The following PDE11A variants were observed in gnomAD, a reference collection of about 807,000 sequenced individuals.
PDE11A encodes the protein dual 3',5'-cyclic-AMP and -GMP phosphodiesterase 11A.
A neutral mutation model predicts 100.5 loss-of-function variants in PDE11A; 100 were observed. That is an observed-to-expected ratio of 1.00 (90% CI 0.85 to 1.18). The LOEUF is 1.18. PDE11A is among the 50% of genes most tolerant of loss of function. PDE11A has a pLI of 0.00. For synonymous variants in PDE11A, 381 were observed against 420.8 expected (o/e 0.91, Z 1.16); for missense variants, 1,141 against 1,152.6 (o/e 0.99, Z 0.15).
rs190404074 is a variant in PDE11A, at chr2:177,732,502, C to A, written c.1789-4330G>T. 3.3e-5 allele frequency among the ~76,000 whole-genome samples: 5 copies of A among 152,280 alleles called. No individual in the cohort carries two copies. The East Asian group carries it at 7.7e-4, about 24-fold the overall frequency. The stretch of plus-strand genomic sequence containing the variant: ...TTGTTACAGTTTGTTACCAAAGAAG[C>A]AGAAATGGTGATAGAGGCAGCACTA... On this transcript the variant is annotated intron_variant, in intron 10 of 19. Transcript: ENST00000286063.
intron 19 of PDE11A, among the ~76,000 whole-genome samples, chr2:177,637,696 C>T (rs2080061666): frequency 6.6e-6 from 1 of 150,726 alleles, no homozygotes; most frequent in Non-Finnish European, 1.5e-5. Context: ...CTGTCTTCAG[C>T]TATGTTTTAC....
At chr2:177,836,271 T>C (rs946916819) in intron 6 of PDE11A, among the ~76,000 whole-genome samples, 1 of 151,936 alleles carries the variant, frequency 6.6e-6, no homozygotes, top group Non-Finnish European at 1.5e-5. Flanking sequence ...AGTGGGGACT[T>C]GGAGAACCTT....
chr2:177,829,197 G>T (rs546333237), intron 6 of PDE11A, among the ~76,000 whole-genome samples: 12 of 151,978 alleles, frequency 7.9e-5, no homozygotes, highest in Non-Finnish European at 8.8e-5. Context: ...AGCAGGCTTG[G>T]GGGGCAGGAG....
At chr2:177,924,541 G>C (rs573434468) in intron 2 of PDE11A, among the ~76,000 whole-genome samples, 1 of 152,298 alleles carries the variant, frequency 6.6e-6, no homozygotes, top group South Asian at 2.1e-4. Context: ...AAATCATGAA[G>C]AGAAAGTGAA....
intron 13 of PDE11A, among the ~76,000 whole-genome samples, chr2:177,705,356 G>A (rs1380128810): frequency 3.9e-5 from 6 of 152,154 alleles, no homozygotes; most frequent in Admixed American, 3.9e-4. Flanking sequence ...CTTTAGTTGT[G>A]AAAATATGAT....
intron 13 of PDE11A, among the ~76,000 whole-genome samples, chr2:177,704,347 T>G (rs2081246709): frequency 6.6e-6 from 1 of 151,390 alleles, no homozygotes; most frequent in South Asian, 2.1e-4. Context: ...CTTTGAGGGG[T>G]TTTTTTAAAG....
intron 5 of PDE11A, among the ~76,000 whole-genome samples, chr2:177,868,022 T>C (rs770208681): frequency 6.6e-6 from 1 of 152,158 alleles, no homozygotes; most frequent in Non-Finnish European, 1.5e-5. Flanking sequence ...ATTTGGGCCA[T>C]GGTGGCTGGA....
intron 1 of PDE11A, among the ~76,000 whole-genome samples, chr2:178,106,611 G>C (rs2087620625): frequency 6.6e-6 from 1 of 152,042 alleles, no homozygotes; most frequent in Non-Finnish European, 1.5e-5. Context: ...TCATAAAAAA[G>C]TCATCTAAGC....
At chr2:177,845,782 A>G (rs988371046) in intron 5 of PDE11A, among the ~76,000 whole-genome samples, 7 of 152,278 alleles carry the variant, frequency 4.6e-5, no homozygotes, top group African/African-American at 1.7e-4. Context: ...CAATCCCGGC[A>G]CCTCGGGAGG....
intron 17 of PDE11A, among the ~76,000 whole-genome samples, chr2:177,670,684 A>G (rs1252745545): frequency 6.6e-6 from 1 of 152,226 alleles, no homozygotes; most frequent in African/African-American, 2.4e-5. Flanking sequence ...GCACAGTATC[A>G]AGATAATTTA....
rs1208191512 is a variant in PDE11A at position 177,828,525 on chromosome 2, G to T, written c.1501-8230C>A. Among the ~76,000 whole-genome samples, 4 of 152,160 alleles carry T rather than the reference G, an allele frequency of 2.6e-5. No individual in the cohort carries two copies. The East Asian group carries it at 5.8e-4, about 22-fold the overall frequency. On this transcript the variant is annotated intron_variant, in intron 6 of 19. Coordinates refer to ENST00000286063, the MANE Select transcript of PDE11A (RefSeq NM_016953.4). ...ATTATATGTTAGAAGATGTTAAGAT[G>T]ATAGGGAAAAAACAGATAAGAGGGG... is the stretch of plus-strand genomic sequence containing the variant.
chr2:178,056,383 A>G (rs1017638014), intron 1 of PDE11A, among the ~76,000 whole-genome samples: 3 of 152,210 alleles, frequency 2.0e-5, no homozygotes, highest in Non-Finnish European at 2.9e-5. Flanking sequence ...GCTGCTGCTA[A>G]AAGTTCCTGG....
chr2:177,768,022 A>C (rs181810399), intron 10 of PDE11A, among the ~76,000 whole-genome samples: 19 of 152,192 alleles, frequency 1.2e-4, no homozygotes, highest in African/African-American at 4.6e-4. Flanking sequence ...CTCCCTTTTT[A>C]TCTGGGTTAC....
At chr2:177,979,704 G>A (rs1477405352) in intron 2 of PDE11A, among the ~76,000 whole-genome samples, 6 of 142,860 alleles carry the variant, frequency 4.2e-5, no homozygotes, top group African/African-American at 1.1e-4. Flanking sequence ...TCTGCTTCCC[G>A]GGTTCATGAC....
intron 2 of PDE11A, among the ~76,000 whole-genome samples, chr2:178,087,422 T>C (rs2087372626): frequency 6.6e-6 from 1 of 151,194 alleles, no homozygotes; most frequent in Non-Finnish European, 1.5e-5. Context: ...AAAAAAATCA[T>C]ATCTTGTGCA....
intron 10 of PDE11A, among the ~76,000 whole-genome samples, chr2:177,734,258 A>G (rs1574089948): frequency 1.3e-5 from 2 of 152,250 alleles, no homozygotes; most frequent in South Asian, 4.1e-4. Flanking sequence ...CTTTGTGTTG[A>G]TTGTAGCTAA....
At chr2:177,756,843 T>G (rs2082097514) in intron 10 of PDE11A, among the ~76,000 whole-genome samples, 1 of 152,196 alleles carries the variant, frequency 6.6e-6, no homozygotes, top group African/African-American at 2.4e-5. Context: ...CTATGTAACC[T>G]TAAAACAAAC....
At position 177,922,578 on chromosome 2, in the gene PDE11A, A is replaced by T. The variant is rs76845916; in HGVS notation, c.1072-17391T>A. 331 of 530,702 alleles carry T rather than the reference A, an allele frequency of 6.2e-4. 1 individual carries two copies. In the African/African-American group the frequency reaches 6.4e-3, roughly 10 times the overall value. The allele number at this position is 530,702 out of a possible 1,614,324, so 32.9% of individuals were successfully genotyped here. On this transcript the variant is annotated intron_variant, in intron 2 of 19. Transcript: ENST00000286063. ...TTGCCACAAAGGGCTGAACCCAAAA[A>T]CCTGGAGCCATGTCCCATACCTGAC...
At chr2:177,825,099 C>T (rs1162674221) in intron 6 of PDE11A, among the ~76,000 whole-genome samples, 2 of 152,084 alleles carry the variant, frequency 1.3e-5, no homozygotes, top group Non-Finnish European at 1.5e-5. Flanking sequence ...CTGAAAATGG[C>T]TTACTGAATT....
Sources: allele counts gnomAD v4.1 joint callset (sites outside exome capture counted in the v4.1 genomes callset), GRCh38; gene constraint gnomAD v4.1.1; transcripts MANE v1.5; gene names NCBI Gene and HGNC (gene_info 2026-07-23, HGNC 2026-07-21).